MEI4: variants seen among roughly 807,000 people sequenced by gnomAD.
MEI4 encodes the protein meiosis-specific protein MEI4.
MEI4 carries 27 observed loss-of-function variants against 31.4 expected under a neutral mutation model. The observed-to-expected ratio is 0.86, with a 90% CI of 0.63 to 1.19. MEI4 has a LOEUF of 1.19. MEI4 is among the 50% of genes most tolerant of loss of function. MEI4 has a pLI of 0.00. For missense variants in MEI4, 329 were observed against 398.9 expected, an observed-to-expected ratio of 0.82 and a Z score of 1.49; for synonymous variants, 122 against 145.4, an observed-to-expected ratio of 0.84 and a Z score of 1.16.
intron 4 of MEI4, among the ~76,000 whole-genome samples, chr6:77,856,475 A>G (rs2127719756): frequency 6.6e-6 from 1 of 152,308 alleles, no homozygotes; most frequent in South Asian, 2.1e-4. Flanking sequence ...GACAGGCTTC[A>G]TGAAATTAGT....
At chr6:77,762,813 G>C (rs574284839) in intron 3 of MEI4, among the ~76,000 whole-genome samples, 23 of 152,236 alleles carry the variant, frequency 1.5e-4, no homozygotes, top group African/African-American at 4.6e-4. Flanking sequence ...CTGGAAAATG[G>C]AAATCTTTTT....
At chr6:77,837,995 T>G (rs1345417399) in intron 4 of MEI4, among the ~76,000 whole-genome samples, 1 of 152,212 alleles carries the variant, frequency 6.6e-6, no homozygotes, top group African/African-American at 2.4e-5. Flanking sequence ...TTTTTGGGGG[T>G]CTCATGAGGT....
At chr6:77,767,303 C>A (rs1382838771) in intron 3 of MEI4, among the ~76,000 whole-genome samples, 2 of 151,874 alleles carry the variant, frequency 1.3e-5, no homozygotes, top group Non-Finnish European at 2.9e-5. Context: ...TCGCTTGAAC[C>A]CGGGAGGCAG....
intron 4 of MEI4, among the ~76,000 whole-genome samples, chr6:77,905,475 CTTTTTTTTTTTTTTTTTTTTTTTTT>C (rs70974691): frequency 7.5e-5 from 7 of 93,334 alleles, no homozygotes; most frequent in Admixed American, 1.3e-4. Context: ...AAATTTTCAG[CTTTTTTTTTTTTTTTTTTTTTTTTT>C]TTTTTTTTTT....
intron 3 of MEI4, among the ~76,000 whole-genome samples, chr6:77,772,256 C>A (rs1490252085): frequency 1.4e-5 from 2 of 140,346 alleles, no homozygotes; most frequent in South Asian, 2.2e-4. Flanking sequence ...AAAGACACAT[C>A]AAAAAAAAAA....
chr6:77,777,796 A>G (rs1221469495), intron 3 of MEI4, among the ~76,000 whole-genome samples: 1 of 152,204 alleles, frequency 6.6e-6, no homozygotes, highest in East Asian at 1.9e-4. Flanking sequence ...CTTACATTTA[A>G]AATGCATATA....
chr6:77,652,011 T>G (rs1768307861), upstream of MEI4, among the ~76,000 whole-genome samples: 1 of 152,172 alleles, frequency 6.6e-6, no homozygotes, highest in Non-Finnish European at 1.5e-5. Flanking sequence ...AAAGAGAATA[T>G]TTTAATTCTT....
At chr6:77,736,040 G>A (rs1224671478) in intron 2 of MEI4, among the ~76,000 whole-genome samples, 1 of 147,752 alleles carries the variant, frequency 6.8e-6, no homozygotes, top group African/African-American at 2.5e-5. Flanking sequence ...TCTTCAAACT[G>A]TCAGACAGGG....
intron 3 of MEI4, among the ~76,000 whole-genome samples, chr6:77,798,169 T>C (rs1374961926): frequency 2.6e-5 from 4 of 151,434 alleles, no homozygotes; most frequent in African/African-American, 9.7e-5. Context: ...CTTATAAATA[T>C]AACTAAAAAA....
chr6:77,758,254 C>T (rs1767962210), intron 2 of MEI4, among the ~76,000 whole-genome samples: 1 of 151,194 alleles, frequency 6.6e-6, no homozygotes, highest in Admixed American at 6.6e-5. Flanking sequence ...TTTGAACTTT[C>T]TGCATTATCA....
chr6:77,802,776 C>T (rs1409121957), intron 3 of MEI4, among the ~76,000 whole-genome samples: 4 of 152,198 alleles, frequency 2.6e-5, no homozygotes, highest in Admixed American at 2.0e-4. Context: ...AAATTGTTTT[C>T]TTTAAGAATG....
At chr6:77,870,525 C>G (rs929000734) in intron 4 of MEI4, among the ~76,000 whole-genome samples, 1 of 152,140 alleles carries the variant, frequency 6.6e-6, no homozygotes, top group African/African-American at 2.4e-5. Flanking sequence ...TATGTCCAAA[C>G]TCTAGTTAAA....
Position 77,699,481 on chromosome 6 carries a change from C to T in MEI4, c.232+8578C>T, listed in dbSNP as rs541524616. 1.2e-4 allele frequency among the ~76,000 whole-genome samples: 19 copies of T among 152,242 alleles called. No individual in the cohort carries two copies. In the South Asian group the frequency reaches 1.9e-3, roughly 15 times the overall value. The stretch of plus-strand genomic sequence containing the variant: ...TGCTGGGATTACAGGCGTGAGCCAC[C>T]GCGCCCGGCCCAAAGTTTCTATCTT... On this transcript the variant is annotated intron_variant, in intron 2 of 4. Transcript: ENST00000684080.
chr6:77,878,354 C>T (rs1441972311), intron 4 of MEI4, among the ~76,000 whole-genome samples: 3 of 151,964 alleles, frequency 2.0e-5, no homozygotes, highest in Non-Finnish European at 4.4e-5. Flanking sequence ...TTTCCTGATG[C>T]CTACTATAAA....
intron 4 of MEI4, among the ~76,000 whole-genome samples, chr6:77,867,668 A>G (rs1170959629): frequency 6.6e-6 from 1 of 152,224 alleles, no homozygotes; most frequent in African/African-American, 2.4e-5. Context: ...GCAATTCCTC[A>G]GGGGTCTAGA....
At chr6:77,919,541 A>T (rs1401118989) in intron 4 of MEI4, among the ~76,000 whole-genome samples, 5 of 152,082 alleles carry the variant, frequency 3.3e-5, no homozygotes, top group Non-Finnish European at 7.4e-5. Context: ...CCACAAGAGA[A>T]AGCAGGAAAG....
chr6:77,869,678 T>C (rs948567931), intron 4 of MEI4, among the ~76,000 whole-genome samples: 2 of 152,132 alleles, frequency 1.3e-5, no homozygotes, highest in Non-Finnish European at 2.9e-5. Context: ...ATAGTGGTCC[T>C]AGCAAATGAA....
chr6:77,731,561 T>C (rs1240821156), intron 2 of MEI4, among the ~76,000 whole-genome samples: 7 of 151,682 alleles, frequency 4.6e-5, no homozygotes, highest in Admixed American at 3.9e-4. Flanking sequence ...GTGAAAATTT[T>C]CTCCCATTTT....
chr6:77,819,437 T>C (rs963283469), intron 3 of MEI4, among the ~76,000 whole-genome samples: 2 of 152,164 alleles, frequency 1.3e-5, no homozygotes, highest in African/African-American at 4.8e-5. Context: ...GAAATCATTA[T>C]TGGACCAGAA....
Sources: gnomAD v4.1 joint callset for allele counts (sites outside exome capture counted in the v4.1 genomes callset) on GRCh38, gnomAD v4.1.1 for gene constraint, MANE v1.5 for transcripts, NCBI Gene and HGNC (gene_info 2026-07-23, HGNC 2026-07-21) for gene names.